VTI1A: variants seen among roughly 807,000 people sequenced by gnomAD.
VTI1A encodes vesicle transport through interaction with t-SNAREs 1A.
Under a neutral mutation model 34.9 loss-of-function variants are expected in VTI1A, and 22 were observed. The ratio of observed to expected loss-of-function variants is 0.63; its 90% CI spans 0.45 to 0.90. The LOEUF is 0.90. Ranked by LOEUF, VTI1A falls within the 40% of genes least tolerant of loss-of-function variation. The pLI is 0.00. For missense variants in VTI1A, 268 were observed against 275.6 expected (o/e 0.97, Z 0.20); for synonymous variants, 87 against 97.3 (o/e 0.89, Z 0.62).
chr10:112,757,351 A>ATTTTTTTTTTTTTTTTT lies in VTI1A; in HGVS notation c.561-57923_561-57907dup, dbSNP rs1175362768. Reference sequence around the variant, plus strand: ...CTTTCACCCTTTCTTTGTTGCTGTGATTTTTTTTTTTTTTTTTTTTTTTTT... The same window carrying ATTTTTTTTTTTTTTTTT: ...CTTTCACCCTTTCTTTGTTGCTGTGATTTTTTTTTTTTTTTTTTTTTTTTTTTTTTTTTTTTTTTTTT... On this transcript the variant is annotated intron_variant, in intron 7 of 7. Coordinates refer to ENST00000393077, the MANE Select transcript of VTI1A (RefSeq NM_145206.4). 1.5e-4 allele frequency among the ~76,000 whole-genome samples: 6 copies of ATTTTTTTTTTTTTTTTT among 40,692 alleles called. 1 individual carries two copies. The highest frequency in any genetic ancestry group is 6.2e-4 in the African/African-American group (6 of 9,700). 26.7% of individuals were successfully genotyped at this position (40,692 alleles called of 152,430 possible).
chr10:112,689,745 GCA>G (rs1848550702), intron 7 of VTI1A, among the ~76,000 whole-genome samples: 1 of 151,854 alleles, frequency 6.6e-6, no homozygotes, highest in Non-Finnish European at 1.5e-5. Context: ...CTTTTGCTCT[GCA>G]CAGTTTTTTT....
At chr10:112,773,227 A>G (rs547251850) in intron 7 of VTI1A, among the ~76,000 whole-genome samples, 1 of 152,312 alleles carries the variant, frequency 6.6e-6, no homozygotes, top group South Asian at 2.1e-4. Context: ...CTTCTCTCTA[A>G]GGTAGGATAA....
chr10:112,745,563 A>G (rs1184877133), intron 7 of VTI1A, among the ~76,000 whole-genome samples: 1 of 152,212 alleles, frequency 6.6e-6, no homozygotes, highest in East Asian at 1.9e-4. Context: ...TTAACCAGAC[A>G]TGGAAATGAC....
At chr10:112,598,644 C>G (rs1844762118) in intron 5 of VTI1A, among the ~76,000 whole-genome samples, 1 of 152,130 alleles carries the variant, frequency 6.6e-6, no homozygotes, top group Non-Finnish European at 1.5e-5. Context: ...TTTGATAGTT[C>G]ATAATGTAGG....
intron 7 of VTI1A, among the ~76,000 whole-genome samples, chr10:112,717,035 C>G (rs1462100526): frequency 6.6e-6 from 1 of 152,188 alleles, no homozygotes; most frequent in Non-Finnish European, 1.5e-5. Flanking sequence ...TATGTAAACG[C>G]AGCTTCGTAA....
chr10:112,771,131 C>A (rs763455839), intron 7 of VTI1A, among the ~76,000 whole-genome samples: 63 of 152,190 alleles, frequency 4.1e-4, no homozygotes, highest in Non-Finnish European at 6.9e-4. Context: ...GATTCGAAGT[C>A]AGGTGGACCT....
At chr10:112,599,894 A>G (rs17260006) in intron 5 of VTI1A, among the ~76,000 whole-genome samples, 10,641 of 152,236 alleles carry the variant, frequency 0.07, 440 homozygotes, top group Non-Finnish European at 0.094. Flanking sequence ...GAGACTTTCT[A>G]TGCTCAAAAC....
intron 5 of VTI1A, among the ~76,000 whole-genome samples, chr10:112,663,344 A>G (rs765696366): frequency 1.3e-5 from 2 of 152,194 alleles, no homozygotes; most frequent in African/African-American, 4.8e-5. Context: ...TTGCTCCTAC[A>G]CAAAGTACTT....
intron 7 of VTI1A, among the ~76,000 whole-genome samples, chr10:112,689,449 G>T (rs975480621): frequency 2.0e-5 from 3 of 152,188 alleles, no homozygotes; most frequent in African/African-American, 7.2e-5. Context: ...GGTGGTTTTG[G>T]AGCTGACTCC....
intron 5 of VTI1A, among the ~76,000 whole-genome samples, chr10:112,608,140 C>A (rs551423413): frequency 6.6e-6 from 1 of 152,198 alleles, no homozygotes; most frequent in Non-Finnish European, 1.5e-5. Flanking sequence ...CTTTCTGTGA[C>A]ACAGACACTC....
the VTI1A span, among the ~76,000 whole-genome samples, chr10:112,830,849 A>ATATATATATATATATATTTTTTTTT: frequency 1.5e-4 from 5 of 33,492 alleles, no homozygotes; most frequent in East Asian, 1.5e-3. Flanking sequence ...ATATATATAT[A>ATATATATATATATATATTTTTTTTT]TTTTTTTTTT....
chr10:112,766,892 A>G (rs1256485630), intron 7 of VTI1A, among the ~76,000 whole-genome samples: 1 of 152,234 alleles, frequency 6.6e-6, no homozygotes, highest in Non-Finnish European at 1.5e-5. Flanking sequence ...GGATTTCTTC[A>G]TTTGAAGCTA....
At chr10:112,672,401 A>T (rs959912468) in intron 7 of VTI1A, among the ~76,000 whole-genome samples, 3 of 152,330 alleles carry the variant, frequency 2.0e-5, no homozygotes, top group African/African-American at 7.2e-5. Context: ...CGACATCAGA[A>T]CACAGCTCTG....
chr10:112,577,556 A>C (rs1264738299), intron 5 of VTI1A, among the ~76,000 whole-genome samples: 3 of 152,220 alleles, frequency 2.0e-5, no homozygotes, highest in Admixed American at 2.0e-4. Flanking sequence ...GAGCAGTTAC[A>C]AAGAAAGCCA....
At chr10:112,797,681 C>G (rs1852718649) in intron 7 of VTI1A, among the ~76,000 whole-genome samples, 1 of 145,580 alleles carries the variant, frequency 6.9e-6, no homozygotes, top group African/African-American at 2.5e-5. Flanking sequence ...AGTAGCCAAT[C>G]TGTGATGACG....
chr10:112,487,844 G>C (rs1283312455), intron 3 of VTI1A, among the ~76,000 whole-genome samples: 1 of 152,100 alleles, frequency 6.6e-6, no homozygotes. Context: ...TGTCATCTCA[G>C]AATTTAACTT....
chr10:112,533,322 A>G (rs1160262446), intron 4 of VTI1A, among the ~76,000 whole-genome samples: 1 of 152,096 alleles, frequency 6.6e-6, no homozygotes, highest in Non-Finnish European at 1.5e-5. Flanking sequence ...TTAATGTGAC[A>G]GTGTGAGAAA....
chr10:112,576,014 C>CT (rs1564833818), intron 5 of VTI1A, among the ~76,000 whole-genome samples: 1 of 129,762 alleles, frequency 7.7e-6, no homozygotes, highest in African/African-American at 3.3e-5. Context: ...CTTTTCTTTT[C>CT]TTTTCTTTTT....
intron 7 of VTI1A, among the ~76,000 whole-genome samples, chr10:112,685,236 C>T (rs1473389267): frequency 1.3e-5 from 2 of 152,126 alleles, no homozygotes; most frequent in Non-Finnish European, 2.9e-5. Context: ...TGGATTATTG[C>T]TTCCATTTCA....
Sources: gnomAD v4.1 joint callset for allele counts (sites outside exome capture counted in the v4.1 genomes callset) on GRCh38, gnomAD v4.1.1 for gene constraint, MANE v1.5 for transcripts, NCBI Gene and HGNC (gene_info 2026-07-23, HGNC 2026-07-21) for gene names.